Variants in UBE3C observed in about 807,000 individuals in gnomAD.
The protein encoded by UBE3C is ubiquitin-protein ligase E3C.
In UBE3C, 42 loss-of-function variants were observed where a neutral mutation model predicts 129.4. The observed-to-expected ratio is 0.32, with a 90% confidence interval of 0.25 to 0.42. UBE3C has a LOEUF of 0.42. UBE3C is among the 10% of genes least tolerant of loss of function. The pLI, the probability that UBE3C is intolerant of heterozygous loss-of-function variation, is 1.00. For synonymous variants in UBE3C, 510 were observed against 492.4 expected, an observed-to-expected ratio of 1.04 and a Z score of -0.47; for missense variants, 1,049 against 1,319.1, an observed-to-expected ratio of 0.80 and a Z score of 3.17.
chr7:157,148,193 C>T (rs899827104), intron 1 of UBE3C, among the ~76,000 whole-genome samples: 2 of 152,060 alleles, frequency 1.3e-5, no homozygotes, highest in Admixed American at 6.6e-5. Context: ...CTCCATCTCC[C>T]GAATTCAAGT....
intron 21 of UBE3C, among the ~76,000 whole-genome samples, chr7:157,255,006 C>T (rs912895333): frequency 5.3e-5 from 8 of 151,786 alleles, no homozygotes; most frequent in East Asian, 3.9e-4. Context: ...CCATCTACGT[C>T]GGGTGCTGAG....
intron 5 of UBE3C, 36 bp downstream of exon 5, chr7:157,175,070 G>T: frequency 1.4e-6 from 2 of 1,423,864 alleles, no homozygotes; most frequent in Non-Finnish European, 9.5e-7. Flanking sequence ...CGTATATAAT[G>T]TATTGATCAC....
At chr7:157,223,447 C>T in intron 16 of UBE3C, 96 bp downstream of exon 16, 1 of 1,057,952 alleles carries the variant, frequency 9.5e-7, no homozygotes, top group Non-Finnish European at 1.4e-6. Context: ...GTGCCTAGTG[C>T]CTGGCTGATT....
intron 22 of UBE3C, among the ~76,000 whole-genome samples, chr7:157,265,700 G>A (rs78930357): frequency 3.1e-4 from 47 of 152,282 alleles, no homozygotes; most frequent in East Asian, 9.6e-4. Flanking sequence ...TGTGCTCACC[G>A]TCTCAATTTT....
intron 22 of UBE3C, chr7:157,262,880 T>G (rs1005058253): frequency 6.6e-6 from 1 of 152,184 alleles, no homozygotes; most frequent in Non-Finnish European, 1.5e-5. Flanking sequence ...CTTCCAAAGG[T>G]TCCTGCAGAA....
chr7:157,196,841 T>C (rs1255072007), intron 10 of UBE3C, among the ~76,000 whole-genome samples: 1 of 152,100 alleles, frequency 6.6e-6, no homozygotes, highest in Admixed American at 6.6e-5. Context: ...TGGTGGTGCA[T>C]GCCTGTAATC....
chr7:157,170,565 T>A (rs1446681166), intron 4 of UBE3C, 115 bp downstream of exon 4: 1 of 1,159,502 alleles, frequency 8.6e-7, no homozygotes, highest in Admixed American at 3.7e-5. Flanking sequence ...CATCCAGGCT[T>A]TGCAAACTTC....
At chr7:157,215,091 C>T (rs1809697740) in intron 13 of UBE3C, among the ~76,000 whole-genome samples, 1 of 152,184 alleles carries the variant, frequency 6.6e-6, no homozygotes, top group African/African-American at 2.4e-5. Flanking sequence ...AAGAGAATCG[C>T]CACTTCTAAA....
In UBE3C at chr7:157,268,993, T is replaced by C. The variant is rs1024570400; in HGVS notation, c.*1238T>C. The C allele has an allele frequency of 2.6e-5, 4 of 152,662 alleles. No homozygotes were observed. Among genetic ancestry groups the C allele is most frequent in the African/African-American group, 9.7e-5 (4 of 41,448 alleles). 9.5% of individuals were successfully genotyped at this position (152,662 alleles called of 1,614,324 possible). A position where few individuals can be genotyped will look rare whatever the true frequency, so the allele number is the denominator to read the frequency against. On this transcript the variant is annotated 3_prime_UTR_variant, in exon 23 of 23. Transcript: ENST00000348165. ...GGCTCTGTGGGCTGTCATAGTTAATTGACCATAATTAGCAATATACTTTTA... is the reference window on the plus strand; with the variant it reads ...GGCTCTGTGGGCTGTCATAGTTAATCGACCATAATTAGCAATATACTTTTA...
intron 13 of UBE3C, among the ~76,000 whole-genome samples, chr7:157,209,840 G>C (rs1809539719): frequency 6.6e-6 from 1 of 152,172 alleles, no homozygotes; most frequent in Non-Finnish European, 1.5e-5. Flanking sequence ...ATTTTTTTAT[G>C]CCTCAAAATG....
chr7:157,201,118 G>A (rs376135614), intron 10 of UBE3C, among the ~76,000 whole-genome samples: 1 of 152,098 alleles, frequency 6.6e-6, no homozygotes, highest in African/African-American at 2.4e-5. Flanking sequence ...GAGGTCAGGA[G>A]TTCAAGACCA....
At chr7:157,242,343 G>A (rs934532104) in intron 18 of UBE3C, among the ~76,000 whole-genome samples, 8 of 152,132 alleles carry the variant, frequency 5.3e-5, no homozygotes, top group Non-Finnish European at 1.0e-4. Context: ...TGTTATCATC[G>A]AAGGCATCAT....
chr7:157,192,127 ACTT>A (rs1808985580), intron 10 of UBE3C, among the ~76,000 whole-genome samples: 1 of 152,220 alleles, frequency 6.6e-6, no homozygotes, highest in Non-Finnish European at 1.5e-5. Context: ...AATAAAATAG[ACTT>A]GCCTTCGTCA....
chr7:157,160,297 A>G (rs1808035140), intron 1 of UBE3C, among the ~76,000 whole-genome samples: 1 of 151,912 alleles, frequency 6.6e-6, no homozygotes, highest in Admixed American at 6.6e-5. Flanking sequence ...CTGGTCTCGA[A>G]CTCCTGACCT....
intron 15 of UBE3C, chr7:157,222,987 G>C (rs1586700639): frequency 3.0e-6 from 1 of 337,580 alleles, no homozygotes; most frequent in East Asian, 6.8e-5. Context: ...GTGCACTTGA[G>C]ACGTGCTAGA....
At chr7:157,163,379 A>G (rs1586654552) in intron 1 of UBE3C, among the ~76,000 whole-genome samples, 1 of 127,254 alleles carries the variant, frequency 7.9e-6, no homozygotes, top group Admixed American at 8.8e-5. Context: ...AGAGAGAGAG[A>G]CTCCATCTCA....
chr7:157,183,145 A>G (rs1808712863), intron 8 of UBE3C, among the ~76,000 whole-genome samples: 1 of 152,148 alleles, frequency 6.6e-6, no homozygotes, highest in East Asian at 1.9e-4. Flanking sequence ...TTCAGTGGAC[A>G]CCAACTAGGT....
At chr7:157,251,307 T>G (rs956599631) in intron 19 of UBE3C, among the ~76,000 whole-genome samples, 1 of 152,230 alleles carries the variant, frequency 6.6e-6, no homozygotes, top group Non-Finnish European at 1.5e-5. Flanking sequence ...TTTTTTTCAG[T>G]GTAATCAATT....
chr7:157,144,788 T>C (rs756946162), intron 1 of UBE3C, among the ~76,000 whole-genome samples: 3 of 152,222 alleles, frequency 2.0e-5, no homozygotes, highest in Non-Finnish European at 4.4e-5. Flanking sequence ...CTCACTTTTC[T>C]CTATTACTAG....
Sources: allele counts gnomAD v4.1 joint callset (sites outside exome capture counted in the v4.1 genomes callset), GRCh38; gene constraint gnomAD v4.1.1; transcripts MANE v1.5; gene names NCBI Gene and HGNC (gene_info 2026-07-23, HGNC 2026-07-21).